The following PLXNA2 variants were observed in gnomAD, a reference collection of about 807,000 sequenced individuals.
The protein encoded by PLXNA2 is plexin-A2.
In PLXNA2, 91 loss-of-function variants were observed where a neutral mutation model predicts 193.5. The ratio of observed to expected loss-of-function variants is 0.47; its 90% CI spans 0.40 to 0.56. PLXNA2 has a LOEUF of 0.56. Among genes scored for constraint, PLXNA2 ranks in the 20% least tolerant of loss-of-function variants. PLXNA2 has a pLI of 0.00. For missense variants in PLXNA2, 1,995 were observed against 2,503.2 expected, an observed-to-expected ratio of 0.80 and a Z score of 4.33; for synonymous variants, 997 against 1,027.3, an observed-to-expected ratio of 0.97 and a Z score of 0.56.
At position 208,210,382 on chromosome 1, in the gene PLXNA2, G is replaced by T. The variant is rs1442179495; in HGVS notation, c.1269C>A (p.Thr423=). The T allele has an allele frequency of 1.2e-6, 2 of 1,614,022 alleles. No homozygotes were observed. Among genetic ancestry groups the T allele is most frequent in the South Asian group, 2.2e-5 (2 of 91,070 alleles). ...LGGSTPVEGL[T]LYTTSRDRMT... ...TGCGGTCCCTGCTGGTGGTGTACAG[G>T]GTCAGGCCCTCCACTGGAGTTGAGC... The change falls in exon 3 of 32, where the codon ACC becomes ACA. Residue 423 remains threonine, a synonymous_variant. Coordinates refer to ENST00000367033, the MANE Select transcript of PLXNA2 (RefSeq NM_025179.4).
intron 11 of PLXNA2, among the ~76,000 whole-genome samples, chr1:208,081,891 C>T (rs1571895181): frequency 6.6e-6 from 1 of 152,066 alleles, no homozygotes; most frequent in Non-Finnish European, 1.5e-5. Context: ...ATAAGGGTCA[C>T]CCTCATGGAG....
chr1:208,047,861 G>A (rs971762911), intron 17 of PLXNA2, among the ~76,000 whole-genome samples: 7 of 152,204 alleles, frequency 4.6e-5, no homozygotes, highest in Non-Finnish European at 1.0e-4. Flanking sequence ...GGCTCACTGC[G>A]GCCTTTATGC....
rs557928468 is a variant in PLXNA2 at position 208,171,114 on chromosome 1, A to C, written c.1372-28651T>G. On this transcript the variant is annotated intron_variant, in intron 3 of 31. Coordinates refer to ENST00000367033, the MANE Select transcript of PLXNA2 (RefSeq NM_025179.4). ...AACCAGGGGACATAGATTAAAGGTA[A>C]GTAGGTAAGCTTCCTTAGCATTTGA... Among the ~76,000 whole-genome samples the C allele has an allele frequency of 1.1e-3, 164 of 152,338 alleles. 6 individuals carry two copies. The South Asian group carries it at 0.032, about 30-fold the overall frequency.
chr1:208,188,952 C>T (rs931883486), intron 3 of PLXNA2, among the ~76,000 whole-genome samples: 2 of 152,188 alleles, frequency 1.3e-5, no homozygotes, highest in African/African-American at 2.4e-5. Context: ...GGATGTAGTG[C>T]ACCCAGGAAA....
Position 208,142,386 on chromosome 1 carries a change from G to A in PLXNA2, c.1449C>T (p.Leu483=). The change falls in exon 4 of 32, where the codon CTC becomes CTT. Residue 483 remains leucine, a synonymous_variant. Transcript: ENST00000367033. ...GATCAATGGAGAAGGCCATGTCCCG[G>A]AGGATGGGGCTTCCGTCCTTGAGCA... is the stretch of plus-strand genomic sequence containing the variant. The part of the protein sequence containing the change: ...VSVLKDGSPI[L]RDMAFSIDQR... The A allele has an allele frequency of 6.2e-7, 1 of 1,614,018 alleles. No homozygotes were observed.
intron 3 of PLXNA2, among the ~76,000 whole-genome samples, chr1:208,148,837 G>A (rs1337039259): frequency 6.6e-6 from 1 of 152,218 alleles, no homozygotes; most frequent in Non-Finnish European, 1.5e-5. Flanking sequence ...CCTGGAGGAG[G>A]TGAGGCCTAA....
chr1:208,030,909 C>A, intron 29 of PLXNA2: 1 of 985,924 alleles, frequency 1.0e-6, no homozygotes, highest in Non-Finnish European at 1.2e-6. Context: ...AAGTCTCATA[C>A]CAGGGGCCTG....
chr1:208,177,486 C>T (rs1669694897), intron 3 of PLXNA2, among the ~76,000 whole-genome samples: 1 of 152,182 alleles, frequency 6.6e-6, no homozygotes, highest in Admixed American at 6.5e-5. Context: ...ACATGCAAAG[C>T]TCTAGGACAG....
In PLXNA2 at chr1:208,044,211, GTGGGGACAT is replaced by G. The variant is rs1664974844; in HGVS notation, c.3874+288_3874+296del. On this transcript the variant is annotated intron_variant, in intron 20 of 31. Coordinates refer to ENST00000367033, the MANE Select transcript of PLXNA2 (RefSeq NM_025179.4). This position sits in a 1 kb window ranked among gnomAD's most constrained non-coding sequence, Gnocchi z 4.9. ...GCTGTGGAGCCTGGGGACTCTGACT[GTGGGGACAT>G]TGAGGCCCTGAGAGGGAGAAAGTGT... Among the ~76,000 whole-genome samples the G allele has an allele frequency of 6.6e-6, 1 of 152,268 alleles. No individual in the cohort carries two copies. The highest frequency in any genetic ancestry group is 6.5e-5 in the Admixed American group (1 of 15,290).
intron 7 of PLXNA2, 23 bp from the exon 8 acceptor site, chr1:208,096,148 A>G (rs1366148145): frequency 3.1e-6 from 5 of 1,595,158 alleles, no homozygotes; most frequent in Non-Finnish European, 2.6e-6. Context: ...ACAAAAAAGG[A>G]TGGGGTTGGG....
In PLXNA2 at chr1:208,026,096, T is replaced by C. The variant is rs1664335487; in HGVS notation, c.*1147A>G. ...CTGTAAACAGTGTTTGATTTTTGTT[T>C]TCTTTTTAATTGCCAGGGACCACTG... On this transcript the variant is annotated 3_prime_UTR_variant, in exon 32 of 32. Transcript: ENST00000367033. 1 of 152,664 alleles carries C rather than the reference T, an allele frequency of 6.6e-6. No homozygotes were observed. The highest frequency in any genetic ancestry group is 2.4e-5 in the African/African-American group (1 of 41,470). The allele number at this position is 152,664 out of a possible 1,614,324, so 9.5% of individuals were successfully genotyped here.
At chr1:208,242,444 G>T (rs1436412325) in intron 1 of PLXNA2, among the ~76,000 whole-genome samples, 1 of 152,206 alleles carries the variant, frequency 6.6e-6, no homozygotes, top group Admixed American at 6.5e-5. Flanking sequence ...CTTCCAAACT[G>T]ATGGGCCCCC....
intron 3 of PLXNA2, among the ~76,000 whole-genome samples, chr1:208,169,004 T>C (rs1669405713): frequency 6.6e-6 from 1 of 152,078 alleles, no homozygotes; most frequent in Non-Finnish European, 1.5e-5. Context: ...TGGTTTTCTA[T>C]AAGGCCAAGC....
chr1:208,211,569 T>C (rs1670951182), intron 2 of PLXNA2, among the ~76,000 whole-genome samples: 1 of 152,072 alleles, frequency 6.6e-6, no homozygotes, highest in Admixed American at 6.5e-5. Flanking sequence ...GGTGTGTGCC[T>C]GTAGTCCCAG....
chr1:208,107,683 G>C (rs553935393), intron 4 of PLXNA2, among the ~76,000 whole-genome samples: 2 of 152,110 alleles, frequency 1.3e-5, no homozygotes, highest in Admixed American at 1.3e-4. Context: ...AGAGTTTAAC[G>C]GGACACTCTA....
At chr1:208,164,033 G>A (rs1430095792) in intron 3 of PLXNA2, among the ~76,000 whole-genome samples, 1 of 152,190 alleles carries the variant, frequency 6.6e-6, no homozygotes, top group Non-Finnish European at 1.5e-5. Flanking sequence ...TGTCCACTCT[G>A]CCCACACTTG....
At chr1:208,178,632 T>A (rs897270300) in intron 3 of PLXNA2, among the ~76,000 whole-genome samples, 2 of 152,182 alleles carry the variant, frequency 1.3e-5, no homozygotes, top group Non-Finnish European at 2.9e-5. Flanking sequence ...GGCCTCCTTG[T>A]TGGGAACCCA....
chr1:208,159,933 G>C (rs763966716), intron 3 of PLXNA2, among the ~76,000 whole-genome samples: 2 of 152,194 alleles, frequency 1.3e-5, no homozygotes, highest in Non-Finnish European at 2.9e-5. Context: ...GCCTGGCCCT[G>C]CTCCTCCACC....
chr1:208,174,476 G>T (rs1431378344), intron 3 of PLXNA2, among the ~76,000 whole-genome samples: 1 of 152,132 alleles, frequency 6.6e-6, no homozygotes, highest in Non-Finnish European at 1.5e-5. Context: ...TCTCTGGATG[G>T]TCATCAGCCA....
Sources: allele counts gnomAD v4.1 joint callset (sites outside exome capture counted in the v4.1 genomes callset), GRCh38; gene constraint gnomAD v4.1.1; non-coding constraint Gnocchi (gnomAD v3.1); transcripts MANE v1.5; gene names NCBI Gene and HGNC (gene_info 2026-07-23, HGNC 2026-07-21).